SH3RF2: variants seen among roughly 807,000 people sequenced by gnomAD.
SH3RF2 encodes E3 ubiquitin-protein ligase SH3RF2.
Under a neutral mutation model 59.0 loss-of-function variants are expected in SH3RF2, and 43 were observed. That is an observed-to-expected ratio of 0.73 (90% CI 0.57 to 0.94). The LOEUF is 0.94. SH3RF2 is among the 40% of genes least tolerant of loss of function. SH3RF2 has a pLI of 0.00. For missense variants in SH3RF2, 930 were observed against 940.1 expected (o/e 0.99, Z 0.14); for synonymous variants, 391 against 391.5 (o/e 1.00, Z 0.01).
chr5:146,051,242 G>A (rs961664399), intron 7 of SH3RF2, among the ~76,000 whole-genome samples: 1 of 152,202 alleles, frequency 6.6e-6, no homozygotes, highest in African/African-American at 2.4e-5. Flanking sequence ...GAATGGTAAT[G>A]GGGTAGCCAG....
At chr5:145,941,413 G>A (rs1410869850) in intron 2 of SH3RF2, among the ~76,000 whole-genome samples, 1 of 152,186 alleles carries the variant, frequency 6.6e-6, no homozygotes, top group East Asian at 1.9e-4. Flanking sequence ...AACAGCTGTA[G>A]GTTTCTGCAG....
At chr5:146,055,926 CTG>C in intron 7 of SH3RF2, 53 bp from the exon 8 acceptor site, 1 of 1,577,562 alleles carries the variant, frequency 6.3e-7, no homozygotes, top group Non-Finnish European at 8.6e-7. Context: ...GGACTCTTGA[CTG>C]AACATTTTCT....
chr5:146,070,774 T>TG (rs1370932230), intron 9 of SH3RF2, among the ~76,000 whole-genome samples: 6 of 152,154 alleles, frequency 3.9e-5, no homozygotes, highest in Admixed American at 2.6e-4. Flanking sequence ...CAATTTCTTT[T>TG]GGGGGGTAGA....
intron 5 of SH3RF2, among the ~76,000 whole-genome samples, chr5:146,023,071 C>T (rs1338338669): frequency 6.6e-6 from 1 of 151,744 alleles, no homozygotes; most frequent in African/African-American, 2.4e-5. Context: ...CTACATATCC[C>T]TCCTTCTCCC....
In SH3RF2 at chr5:145,997,541, G is replaced by A. The variant is rs181608068; in HGVS notation, c.379-2517G>A. On this transcript the variant is annotated intron_variant, in intron 2 of 9. Coordinates refer to ENST00000359120, the MANE Select transcript of SH3RF2 (RefSeq NM_152550.4). ...AGAATCCTCCTCGAGATTTTCTTCC[G>A]AAAATGGGAGTTATTACGGTTTCAG... 1.9e-4 allele frequency: 310 copies of A among 1,607,426 alleles called. 1 individual carries two copies. The highest frequency in any genetic ancestry group is 8.3e-4 in the East Asian group (37 of 44,826).
chr5:146,064,777 AAGGAAGG>A, downstream of SH3RF2, among the ~76,000 whole-genome samples: 1 of 6,220 alleles, frequency 1.6e-4, no homozygotes, highest in South Asian at 9.3e-3. Flanking sequence ...GAAGGAAGGA[AAGGAAGG>A]AAGGAAGGAA....
intron 9 of SH3RF2, among the ~76,000 whole-genome samples, chr5:146,069,668 G>A (rs115777473): frequency 9.9e-5 from 15 of 152,166 alleles, no homozygotes; most frequent in African/African-American, 2.4e-4. Context: ...CAACAGCCCC[G>A]GCTCAAGTGA....
intron 2 of SH3RF2, among the ~76,000 whole-genome samples, chr5:145,949,961 T>C (rs1758130966): frequency 6.6e-6 from 1 of 152,212 alleles, no homozygotes; most frequent in South Asian, 2.1e-4. Context: ...CCATTCCAGT[T>C]GCTATCCCAA....
rs1300379637 is a variant in SH3RF2, at chr5:146,013,820, T to A, written c.818T>A (p.Leu273Gln). 6.2e-7 allele frequency: 1 copy of A among 1,614,066 alleles called. No homozygotes were observed. Among genetic ancestry groups the A allele is most frequent in the East Asian group, 2.2e-5 (1 of 44,884 alleles). ...TCATCCCGCACAAAAAACCTGTCCC[T>A]GGTGTCCTCGTCCTCCAGAGGCAAC... ...RQSSRTKNLS[L>Q]VSSSSRGNTS... Residue 273 changes from leucine to glutamine, a missense_variant, in exon 5 of 10, where the codon CTG (leucine) becomes CAG (glutamine). Coordinates refer to ENST00000359120, the MANE Select transcript of SH3RF2 (RefSeq NM_152550.4).
chr5:145,942,884 T>C (rs1757871777), intron 2 of SH3RF2, among the ~76,000 whole-genome samples: 1 of 152,198 alleles, frequency 6.6e-6, no homozygotes, highest in East Asian at 1.9e-4. Flanking sequence ...TTTAAGGATT[T>C]ATGGTGAAGT....
chr5:146,029,255 GT>G (rs1761656857), intron 5 of SH3RF2, among the ~76,000 whole-genome samples: 1 of 152,172 alleles, frequency 6.6e-6, no homozygotes, highest in Non-Finnish European at 1.5e-5. Flanking sequence ...GCATTTCAGA[GT>G]TTTTGTCAGA....
chr5:146,036,545 A>C (rs948580687), intron 5 of SH3RF2, among the ~76,000 whole-genome samples: 1 of 151,908 alleles, frequency 6.6e-6, no homozygotes, highest in Admixed American at 6.6e-5. Flanking sequence ...AAATACAAAA[A>C]CTAGCTGGGC....
chr5:146,074,036 C>CTTTTTTTTTT lies in SH3RF2; in HGVS notation c.*34-4412_*34-4403dup, dbSNP rs70998053. Among the ~76,000 whole-genome samples the CTTTTTTTTTT allele has an allele frequency of 5.0e-3, 587 of 117,182 alleles. 48 individuals carry two copies. Among genetic ancestry groups the CTTTTTTTTTT allele is most frequent in the African/African-American group, 0.022 (543 of 24,206 alleles). The allele number at this position is 117,182 out of a possible 152,430, so 76.9% of individuals were successfully genotyped here. On this transcript the variant is annotated intron_variant, in intron 9 of 9. Transcript: ENST00000511217. ...CCATGGGGTAGGTTTCATTAACACTCTTTTTTTTTTTTTTTTTTTTTGAGA... is the reference window on the plus strand; with the variant it reads ...CCATGGGGTAGGTTTCATTAACACTCTTTTTTTTTTTTTTTTTTTTTTTTTTTTTTTGAGA...
chr5:146,064,587 GA>G (rs372303038), downstream of SH3RF2, among the ~76,000 whole-genome samples: 43,483 of 58,672 alleles, frequency 0.74, 14,380 homozygotes, highest in South Asian at 0.86. Flanking sequence ...AAGGAAGGGG[GA>G]GAGAGAGAGA....
At chr5:146,020,424 GT>G (rs1161030858) in intron 5 of SH3RF2, among the ~76,000 whole-genome samples, 1 of 152,150 alleles carries the variant, frequency 6.6e-6, no homozygotes, top group Non-Finnish European at 1.5e-5. Context: ...ATGAACAAAT[GT>G]TTTTTGAATA....
Position 146,049,229 on chromosome 5 carries a change from G to A in SH3RF2, c.1306G>A (p.Val436Ile), listed in dbSNP as rs747775775. ...AGTCGGCATCTTCCCAAACAATTAC[G>A]TCATCCCCATTTTCAGGTGTGTCGC... is the stretch of plus-strand genomic sequence containing the variant. ...GRVGIFPNNY[V>I]IPIFRKTSSF... Residue 436 changes from valine to isoleucine, a missense_variant, in exon 7 of 10, where the codon GTC becomes ATC. Physicochemically the swap from Val to Ile is conservative, Grantham distance 29. Coordinates refer to ENST00000359120, the MANE Select transcript of SH3RF2 (RefSeq NM_152550.4). 6.1e-5 allele frequency: 98 copies of A among 1,610,792 alleles called. 1 individual carries two copies. The highest frequency in any genetic ancestry group is 4.7e-4 in the South Asian group (43 of 90,788).
chr5:145,957,692 A>C (rs1758467555), intron 2 of SH3RF2, among the ~76,000 whole-genome samples: 1 of 152,062 alleles, frequency 6.6e-6, no homozygotes, highest in East Asian at 1.9e-4. Flanking sequence ...CTATACTATA[A>C]CATTAAAAAA....
In SH3RF2 at chr5:145,999,363, T is replaced by C. The variant is rs147105657; in HGVS notation, c.379-695T>C. ...ATAAGGCTGATTCACTTACTTATCA[T>C]TTATGTATTCACTGCAGTAGCACTT... On this transcript the variant is annotated intron_variant, in intron 2 of 9. Coordinates refer to ENST00000359120, the MANE Select transcript of SH3RF2 (RefSeq NM_152550.4). Among the ~76,000 whole-genome samples, 12 of 152,342 alleles carry C rather than the reference T, an allele frequency of 7.9e-5. No homozygotes were observed. In the East Asian group the frequency reaches 2.3e-3, roughly 29 times the overall value.
At chr5:145,982,717 A>G (rs974517491) in intron 2 of SH3RF2, among the ~76,000 whole-genome samples, 4 of 152,178 alleles carry the variant, frequency 2.6e-5, no homozygotes, top group African/African-American at 7.2e-5. Context: ...GGAGGCAGAT[A>G]AATAAGCAAG....
Sources: gnomAD v4.1 joint callset for allele counts (sites outside exome capture counted in the v4.1 genomes callset) on GRCh38, gnomAD v4.1.1 for gene constraint, MANE v1.5 for transcripts, NCBI Gene and HGNC (gene_info 2026-07-23, HGNC 2026-07-21) for gene names.